The following SPOCK3 variants were observed in gnomAD, a reference collection of about 807,000 sequenced individuals.
SPOCK3 encodes SPARC (osteonectin), cwcv and kazal like domains proteoglycan 3, also known as testican-3.
A neutral mutation model predicts 56.6 loss-of-function variants in SPOCK3; 30 were observed. The observed-to-expected ratio is 0.53, with a 90% CI of 0.40 to 0.72. The LOEUF (loss-of-function observed/expected upper bound fraction) is 0.72. SPOCK3 is among the 30% of genes least tolerant of loss of function. SPOCK3 has a pLI of 0.00. For synonymous variants in SPOCK3, 196 were observed against 183.3 expected (o/e 1.07, Z -0.56); for missense variants, 527 against 530.0 (o/e 0.99, Z 0.06).
intron 7 of SPOCK3, among the ~76,000 whole-genome samples, chr4:166,768,780 G>A (rs1202530414): frequency 6.6e-6 from 1 of 152,212 alleles, no homozygotes; most frequent in Admixed American, 6.5e-5. Context: ...CCTGCAGAGT[G>A]TTTTCCAACT....
intron 4 of SPOCK3, among the ~76,000 whole-genome samples, chr4:166,955,030 C>A (rs1318962295): frequency 2.0e-5 from 3 of 152,034 alleles, no homozygotes; most frequent in African/African-American, 7.2e-5. Context: ...TCACAGAAAT[C>A]CTTTCTAATG....
At chr4:166,794,218 A>AAAAG in intron 6 of SPOCK3, among the ~76,000 whole-genome samples, 1 of 150,826 alleles carries the variant, frequency 6.6e-6, no homozygotes, top group East Asian at 1.9e-4. Flanking sequence ...GGCAAAAAAA[A>AAAAG]AAAAAAAAAA....
intron 4 of SPOCK3, among the ~76,000 whole-genome samples, chr4:166,958,675 G>A (rs1049643684): frequency 1.3e-5 from 2 of 152,146 alleles, no homozygotes; most frequent in African/African-American, 4.8e-5. Flanking sequence ...TCACATACAA[G>A]GAAGGGTTGA....
At chr4:167,134,738 T>C (rs1160166855) in intron 2 of SPOCK3, among the ~76,000 whole-genome samples, 1 of 152,188 alleles carries the variant, frequency 6.6e-6, no homozygotes, top group Non-Finnish European at 1.5e-5. Context: ...TCTATTATGT[T>C]GTTGCATACA....
At chr4:167,225,084 A>C (rs1736457821) in intron 2 of SPOCK3, among the ~76,000 whole-genome samples, 1 of 152,244 alleles carries the variant, frequency 6.6e-6, no homozygotes, top group Non-Finnish European at 1.5e-5. Flanking sequence ...AAGAGTGATA[A>C]TATGGCTTAA....
chr4:166,790,324 A>T (rs62355239), intron 7 of SPOCK3, among the ~76,000 whole-genome samples: 52,644 of 151,740 alleles, frequency 0.35, 9,936 homozygotes, highest in African/African-American at 0.51. Flanking sequence ...AGTCTGATAT[A>T]GGAGGTCTGG....
At chr4:167,123,170 T>C (rs1761999903) in intron 2 of SPOCK3, among the ~76,000 whole-genome samples, 2 of 151,870 alleles carry the variant, frequency 1.3e-5, no homozygotes, top group African/African-American at 4.8e-5. Context: ...CATAGAAAAG[T>C]TGAATAATGT....
chr4:166,795,937 G>A (rs969135197), intron 6 of SPOCK3, among the ~76,000 whole-genome samples: 2 of 152,154 alleles, frequency 1.3e-5, no homozygotes, highest in African/African-American at 2.4e-5. Flanking sequence ...TTAGAAGATA[G>A]GGACTCTGGG....
chr4:166,904,887 A>G (rs1338978065), intron 5 of SPOCK3, among the ~76,000 whole-genome samples: 1 of 151,992 alleles, frequency 6.6e-6, no homozygotes, highest in Non-Finnish European at 1.5e-5. Context: ...GTTACAAAGG[A>G]CATCATTCAG....
At chr4:167,116,320 G>C (rs1194443808) in intron 2 of SPOCK3, among the ~76,000 whole-genome samples, 1 of 150,522 alleles carries the variant, frequency 6.6e-6, no homozygotes, top group African/African-American at 2.4e-5. Context: ...AATTACAAAA[G>C]ATGATTGCTT....
chr4:167,207,290 T>C (rs540528526), intron 2 of SPOCK3, among the ~76,000 whole-genome samples: 2 of 152,122 alleles, frequency 1.3e-5, no homozygotes, highest in Admixed American at 6.6e-5. Context: ...AACACCTGCT[T>C]ATAGAGGTAA....
intron 4 of SPOCK3, among the ~76,000 whole-genome samples, chr4:166,948,443 T>A (rs577233072): frequency 8.5e-5 from 13 of 152,294 alleles, no homozygotes; most frequent in Admixed American, 7.9e-4. Context: ...TCCACACTAT[T>A]TTTCCATAAT....
At chr4:166,997,916 T>C (rs1162478070) in intron 4 of SPOCK3, among the ~76,000 whole-genome samples, 3 of 152,168 alleles carry the variant, frequency 2.0e-5, no homozygotes, top group African/African-American at 7.2e-5. Flanking sequence ...TTCTAAACTA[T>C]GCAAATGGAC....
chr4:166,794,797 C>G (rs112813860), intron 6 of SPOCK3, among the ~76,000 whole-genome samples: 8,932 of 151,938 alleles, frequency 0.059, 283 homozygotes, highest in Middle Eastern at 0.1. Context: ...CCCCCGCCAC[C>G]AGGCCCAGCT....
At chr4:166,846,363 ATG>A (rs1343767770) in intron 6 of SPOCK3, among the ~76,000 whole-genome samples, 3 of 152,088 alleles carry the variant, frequency 2.0e-5, no homozygotes, top group Non-Finnish European at 4.4e-5. Flanking sequence ...CATGATATAA[ATG>A]TAAGTAATAT....
intron 2 of SPOCK3, among the ~76,000 whole-genome samples, chr4:167,107,436 TA>T (rs1760262570): frequency 6.6e-6 from 1 of 151,910 alleles, no homozygotes. Flanking sequence ...AAGCATTTCA[TA>T]AAATCTGACA....
intron 8 of SPOCK3, among the ~76,000 whole-genome samples, chr4:166,749,982 C>A (rs1019375724): frequency 6.6e-6 from 1 of 152,066 alleles, no homozygotes; most frequent in East Asian, 1.9e-4. Context: ...TACTTGAACA[C>A]CCTCGTGCAT....
chr4:167,116,641 TATATATATACAC>T (rs1761391261), intron 2 of SPOCK3, among the ~76,000 whole-genome samples: 1 of 111,624 alleles, frequency 9.0e-6, no homozygotes, highest in South Asian at 2.6e-4. Flanking sequence ...ACTATATACG[TATATATATACAC>T]ATATATACGT....
chr4:166,786,883 A>G (rs1368240326), intron 7 of SPOCK3, among the ~76,000 whole-genome samples: 1 of 152,148 alleles, frequency 6.6e-6, no homozygotes, highest in Non-Finnish European at 1.5e-5. Flanking sequence ...AAGACTTTGC[A>G]GGGAAACGGA....
Sources: gnomAD v4.1 joint callset for allele counts (sites outside exome capture counted in the v4.1 genomes callset) on GRCh38, gnomAD v4.1.1 for gene constraint, MANE v1.5 for transcripts, NCBI Gene and HGNC (gene_info 2026-07-23, HGNC 2026-07-21) for gene names.